Variants in PXDNL observed in about 807,000 individuals in gnomAD.
The protein encoded by PXDNL is peroxidasin like.
A neutral mutation model predicts 150.8 loss-of-function variants in PXDNL; 145 were observed. That is an observed-to-expected ratio of 0.96 (90% CI 0.84 to 1.10). PXDNL has a LOEUF of 1.10. Ranked by LOEUF, PXDNL falls within the 50% of genes least tolerant of loss-of-function variation. PXDNL has a pLI of 0.00. For missense variants in PXDNL, 2,087 were observed against 1,873.9 expected (o/e 1.11, Z -2.10); for synonymous variants, 757 against 725.7 (o/e 1.04, Z -0.69).
chr8:51,529,359 G>A (rs78583095), intron 4 of PXDNL, among the ~76,000 whole-genome samples: 2,571 of 152,282 alleles, frequency 0.017, 37 homozygotes, highest in Non-Finnish European at 0.025. Flanking sequence ...AGTTTGCAAA[G>A]TCAAATGCTG....
chr8:51,550,466 T>G (rs1318216658), intron 4 of PXDNL, among the ~76,000 whole-genome samples: 1 of 152,026 alleles, frequency 6.6e-6, no homozygotes, highest in African/African-American at 2.4e-5. Flanking sequence ...CAACAGCATA[T>G]CAAAAAGATA....
chr8:51,552,802 C>T (rs908910998), intron 4 of PXDNL, among the ~76,000 whole-genome samples: 1 of 152,056 alleles, frequency 6.6e-6, no homozygotes, highest in Non-Finnish European at 1.5e-5. Flanking sequence ...AACCAAACGC[C>T]ATGTGTTCCC....
intron 20 of PXDNL, among the ~76,000 whole-genome samples, chr8:51,344,982 GGGCCCATATA>G (rs1339834278): frequency 6.6e-6 from 1 of 152,120 alleles, no homozygotes; most frequent in African/African-American, 2.4e-5. Flanking sequence ...TTAGAGTACA[GGGCCCATATA>G]TTGTTCAAGT....
Position 51,447,049 on chromosome 8 carries a change from A to G in PXDNL, c.1480T>C (p.Leu494=), listed in dbSNP as rs368365320. 1.9e-4 allele frequency: 308 copies of G among 1,613,798 alleles called. No homozygotes were observed. Among genetic ancestry groups the G allele is most frequent in the Non-Finnish European group, 2.4e-4 (283 of 1,179,882 alleles). The part of the protein sequence containing the change: ...GQYECQAVSS[L]GVKKVSVQLT... ...TGCACAGACACCTTTTTCACCCCCA[A>G]CGAACTGACTGCTTGACATTCATAT... Residue 494 remains leucine, a synonymous_variant, in exon 12 of 23, where the codon TTG becomes CTG. Transcript: ENST00000356297.
In PXDNL at chr8:51,408,903, G is replaced by GGATTCC. The variant is rs1182639847; in HGVS notation, c.2715_2720dup (p.Glu906_Ser907dup). The GGATTCC allele has an allele frequency of 1.2e-6, 2 of 1,608,770 alleles. No homozygotes were observed. Among genetic ancestry groups the GGATTCC allele is most frequent in the Non-Finnish European group, 8.5e-7 (1 of 1,177,768 alleles). On this transcript the variant is annotated inframe_insertion, in exon 17 of 23. Transcript: ENST00000356297. ...GCACCGAAGGGTCTCTGAGAGCCTG[G>GGATTCC]GATTCCCGCTCCGAGCTCCCGTAAA...
At chr8:51,458,640 T>G (rs941654216) in intron 8 of PXDNL, among the ~76,000 whole-genome samples, 2 of 152,206 alleles carry the variant, frequency 1.3e-5, no homozygotes, top group African/African-American at 4.8e-5. Context: ...GAGAATTCCA[T>G]AGTTCTCCCT....
intron 1 of PXDNL, among the ~76,000 whole-genome samples, chr8:51,744,511 C>CA (rs757648122): frequency 0.15 from 19,008 of 124,860 alleles, 2,512 homozygotes; most frequent in African/African-American, 0.35. Context: ...ACTAAAAATA[C>CA]AAAAAAAAAA....
chr8:51,466,173 A>C (rs2130057988), intron 8 of PXDNL, among the ~76,000 whole-genome samples: 1 of 152,330 alleles, frequency 6.6e-6, no homozygotes, highest in Admixed American at 6.5e-5. Context: ...TACACTAAAC[A>C]AAACATGGTG....
chr8:51,420,390 C>T (rs548985138), intron 14 of PXDNL, among the ~76,000 whole-genome samples: 1 of 152,302 alleles, frequency 6.6e-6, no homozygotes, highest in East Asian at 1.9e-4. Context: ...ATACACACTC[C>T]TTGTCTTGGA....
chr8:51,768,446 T>C (rs1014838787), intron 1 of PXDNL, among the ~76,000 whole-genome samples: 3 of 152,126 alleles, frequency 2.0e-5, no homozygotes, highest in Non-Finnish European at 2.9e-5. Context: ...TCTGCTATAA[T>C]AGGGGTAAAT....
At chr8:51,611,528 A>G (rs1462438032) in intron 2 of PXDNL, among the ~76,000 whole-genome samples, 1 of 152,254 alleles carries the variant, frequency 6.6e-6, no homozygotes, top group Admixed American at 6.5e-5. Context: ...TCTGCCTTCA[A>G]CAATCTCAAA....
intron 9 of PXDNL, 60 bp from the exon 10 acceptor site, chr8:51,453,845 A>T: frequency 6.4e-7 from 1 of 1,557,464 alleles, no homozygotes; most frequent in African/African-American, 1.4e-5. Context: ...AGATTTATTT[A>T]TTCTGCATTG....
At chr8:51,362,805 T>C (rs1806796998) in intron 19 of PXDNL, among the ~76,000 whole-genome samples, 1 of 152,222 alleles carries the variant, frequency 6.6e-6, no homozygotes, top group Non-Finnish European at 1.5e-5. Context: ...TTATGAAAAC[T>C]AGAAGATCTG....
rs751643999 is a variant in PXDNL at position 51,809,205 on chromosome 8, T to C, written c.140A>G (p.Gln47Arg). 1 of 1,613,792 alleles carries C rather than the reference T, an allele frequency of 6.2e-7. No individual in the cohort carries two copies. Among genetic ancestry groups the C allele is most frequent in the South Asian group, 1.1e-5 (1 of 91,006 alleles). The change falls in exon 1 of 23, where the codon CAG (glutamine) becomes CGG (arginine). Residue 47 changes from glutamine (Q) to arginine (R), a missense_variant. Gln to Arg is a conservative substitution (Grantham distance 43). Transcript: ENST00000356297. ...CMHLMLDHIP[Q>R]VPQQTTVLDL... ...CAGAACTGTGGTCTGCTGTGGTACC[T>C]GAGGAATGTGGTCCAGCATCAAGTG...
At chr8:51,562,556 C>A (rs138599948) in intron 3 of PXDNL, among the ~76,000 whole-genome samples, 16 of 152,002 alleles carry the variant, frequency 1.1e-4, no homozygotes, top group Non-Finnish European at 1.3e-4. Flanking sequence ...TTCACTCCAC[C>A]CTCTCAGTGT....
intron 1 of PXDNL, among the ~76,000 whole-genome samples, chr8:51,742,749 G>A (rs1252783509): frequency 6.6e-6 from 1 of 152,014 alleles, no homozygotes; most frequent in Non-Finnish European, 1.5e-5. Flanking sequence ...CAAATTTCAT[G>A]GACAGTGACT....
In PXDNL at chr8:51,643,055, A is replaced by T. The variant is rs545071579; in HGVS notation, c.236+11634T>A. 2.0e-5 allele frequency among the ~76,000 whole-genome samples: 3 copies of T among 152,344 alleles called. No individual in the cohort carries two copies. The South Asian group carries it at 6.2e-4, about 32-fold the overall frequency. Reference sequence around the variant, plus strand: ...ATGAAATAAAAGAGGACACAAACAAATGGAAGAATATTCCATGCTCATGGG... The same window carrying T: ...ATGAAATAAAAGAGGACACAAACAATTGGAAGAATATTCCATGCTCATGGG... On this transcript the variant is annotated intron_variant, in intron 2 of 22. Transcript: ENST00000356297.
chr8:51,721,903 G>C (rs1816738504), intron 1 of PXDNL: 1 of 270,118 alleles, frequency 3.7e-6, no homozygotes, highest in Non-Finnish European at 7.4e-6. Context: ...GCCTGTCATG[G>C]TGAAAGTGTT....
At chr8:51,759,344 T>G (rs540435729) in intron 1 of PXDNL, among the ~76,000 whole-genome samples, 8 of 152,220 alleles carry the variant, frequency 5.3e-5, no homozygotes, top group Non-Finnish European at 1.2e-4. Context: ...CCAGCCCTGA[T>G]GAAGTTTCTA....
Sources: gnomAD v4.1 joint callset for allele counts (sites outside exome capture counted in the v4.1 genomes callset) on GRCh38, gnomAD v4.1.1 for gene constraint, MANE v1.5 for transcripts, NCBI Gene and HGNC (gene_info 2026-07-23, HGNC 2026-07-21) for gene names.